Variants in CLEC16A observed in about 807,000 individuals in gnomAD.
CLEC16A encodes protein CLEC16A.
CLEC16A carries 51 observed loss-of-function variants against 109.5 expected under a neutral mutation model. That is an observed-to-expected ratio of 0.47 (90% confidence interval 0.37 to 0.59). The LOEUF is 0.59. Ranked by LOEUF, CLEC16A falls within the 20% of genes least tolerant of loss-of-function variation. CLEC16A has a pLI of 0.00. For missense variants in CLEC16A, 1,339 were observed against 1,394.0 expected, an observed-to-expected ratio of 0.96 and a Z score of 0.63; for synonymous variants, 673 against 564.2, an observed-to-expected ratio of 1.19 and a Z score of -2.73.
At chr16:11,115,999 C>T (rs1194618670) in intron 19 of CLEC16A, among the ~76,000 whole-genome samples, 1 of 152,004 alleles carries the variant, frequency 6.6e-6, no homozygotes, top group Non-Finnish European at 1.5e-5. Flanking sequence ...GCATGAGCCA[C>T]CGTGCCCAGC....
intron 23 of CLEC16A, among the ~76,000 whole-genome samples, chr16:11,171,701 G>C (rs1480935115): frequency 6.6e-6 from 1 of 152,176 alleles, no homozygotes; most frequent in East Asian, 1.9e-4. Context: ...AGAACCACAT[G>C]TGGGGCCACA....
Position 10,944,660 on chromosome 16 carries a change from G to A in CLEC16A, c.-58G>A. The A allele has an allele frequency of 6.6e-7, 1 of 1,515,712 alleles. No homozygotes were observed. The highest frequency in any genetic ancestry group is 9.0e-7 in the Non-Finnish European group (1 of 1,112,068). 93.9% of individuals were successfully genotyped at this position (1,515,712 alleles called of 1,614,324 possible). A position where few individuals can be genotyped will look rare whatever the true frequency, so the allele number is the denominator to read the frequency against. ...CTTGTGCTACCGCCGCGGGCGCTGG[G>A]CCGCTCTGCTGGTCCGGCATGAGAC... On this transcript the variant is annotated 5_prime_UTR_variant, in exon 1 of 24. Transcript: ENST00000409790.
At chr16:11,041,582 G>C (rs1476801075) in intron 14 of CLEC16A, 1 of 152,306 alleles carries the variant, frequency 6.6e-6, no homozygotes, top group East Asian at 1.9e-4. Context: ...GAACAGTCTA[G>C]TTGGAAGAGA....
chr16:11,001,108 T>G (rs1178927921), intron 10 of CLEC16A, among the ~76,000 whole-genome samples: 1 of 152,174 alleles, frequency 6.6e-6, no homozygotes, highest in Non-Finnish European at 1.5e-5. Flanking sequence ...TTTTTTATTT[T>G]CTTTTTTGAG....
chr16:10,975,056 A>AG (rs71404431), intron 7 of CLEC16A, among the ~76,000 whole-genome samples: 1 of 152,182 alleles, frequency 6.6e-6, no homozygotes, highest in African/African-American at 2.4e-5. Flanking sequence ...GGAGAAGTAG[A>AG]GGAGGGCTGG....
rs1567427765 is a variant in CLEC16A, at chr16:11,179,084, T to C, written c.*394T>C. The C allele has an allele frequency of 5.2e-6, 1 of 193,118 alleles. No homozygotes were observed. Among genetic ancestry groups the C allele is most frequent in the South Asian group, 1.9e-4 (1 of 5,188 alleles). 12.0% of individuals were successfully genotyped at this position (193,118 alleles called of 1,614,324 possible). ...AAGAATTGGACCAGGTCACTGTACG[T>C]AGAAATTTGTAGAAAAGCAGACTTA... On this transcript the variant is annotated 3_prime_UTR_variant, in exon 24 of 24. Coordinates refer to ENST00000409790, the MANE Select transcript of CLEC16A (RefSeq NM_015226.3).
chr16:11,177,602 GAAAA>G (rs796832104), intron 23 of CLEC16A, among the ~76,000 whole-genome samples: 31 of 91,052 alleles, frequency 3.4e-4, no homozygotes, highest in African/African-American at 1.2e-3. Context: ...TCCGCCAAAA[GAAAA>G]AAAAAAAAAA....
chr16:11,007,151 G>T (rs1001133665), intron 11 of CLEC16A, among the ~76,000 whole-genome samples: 12 of 152,022 alleles, frequency 7.9e-5, no homozygotes, highest in African/African-American at 2.2e-4. Context: ...CTGGACTACT[G>T]TTTTTTTGCC....
intron 19 of CLEC16A, among the ~76,000 whole-genome samples, chr16:11,108,833 G>C (rs547700205): frequency 1.3e-5 from 2 of 152,114 alleles, no homozygotes; most frequent in African/African-American, 2.4e-5. Flanking sequence ...CTACTGGGCC[G>C]GGCGCGGTGG....
chr16:11,149,489 T>A (rs1051111192), intron 22 of CLEC16A, among the ~76,000 whole-genome samples: 1 of 152,070 alleles, frequency 6.6e-6, no homozygotes, highest in Admixed American at 6.6e-5. Flanking sequence ...ATGAGTTGAT[T>A]GTTGATTTTT....
Position 11,174,254 on chromosome 16 carries a change from G to A in CLEC16A, c.2807-4081G>A, listed in dbSNP as rs1464536209. On this transcript the variant is annotated intron_variant, in intron 23 of 23. Transcript: ENST00000409790. This position sits in a 1 kb window ranked among gnomAD's most constrained non-coding sequence, Gnocchi z 4.7. ...AGTGCTCCGAACGGCAGCTGCCACG[G>A]CACCTCACGCACAGTCAATTCAGGC... 1 of 465,292 alleles carries A rather than the reference G, an allele frequency of 2.1e-6. No individual in the cohort carries two copies. The highest frequency in any genetic ancestry group is 4.4e-6 in the Non-Finnish European group (1 of 226,526). The allele number at this position is 465,292 out of a possible 1,614,324, so 28.8% of individuals were successfully genotyped here. A position where few individuals can be genotyped will look rare whatever the true frequency, so the allele number is the denominator to read the frequency against.
In CLEC16A at chr16:10,978,176, G is replaced by A. The variant is rs146135494; in HGVS notation, c.903+777G>A. On this transcript the variant is annotated intron_variant, in intron 8 of 23. Coordinates refer to ENST00000409790, the MANE Select transcript of CLEC16A (RefSeq NM_015226.3). The stretch of plus-strand genomic sequence containing the variant: ...GTTAGCAGGCCCCAGAGGCCTGTGG[G>A]GATGACGGCTGGTAACATGCAGGGC... 2.8e-4 allele frequency among the ~76,000 whole-genome samples: 42 copies of A among 152,342 alleles called. 1 individual carries two copies. The South Asian group carries it at 5.8e-3, about 21-fold the overall frequency.
intron 9 of CLEC16A, among the ~76,000 whole-genome samples, chr16:10,979,863 T>G (rs1235967159): frequency 6.6e-6 from 1 of 152,160 alleles, no homozygotes; most frequent in East Asian, 1.9e-4. Context: ...GTGGAAGGAA[T>G]CTTGTAGCAA....
intron 11 of CLEC16A, among the ~76,000 whole-genome samples, chr16:11,017,966 T>G (rs1326990852): frequency 6.6e-6 from 1 of 150,920 alleles, no homozygotes; most frequent in Non-Finnish European, 1.5e-5. Flanking sequence ...GTGTAGAGTT[T>G]AGTTTAGTTA....
chr16:11,127,504 A>G (rs1196046874), intron 22 of CLEC16A, among the ~76,000 whole-genome samples: 4 of 152,228 alleles, frequency 2.6e-5, no homozygotes, highest in Non-Finnish European at 1.5e-5. Context: ...TGTAGTCCCA[A>G]CGTGAACTCT....
chr16:11,101,629 G>C (rs1471797536), intron 19 of CLEC16A, among the ~76,000 whole-genome samples: 1 of 152,120 alleles, frequency 6.6e-6, no homozygotes, highest in Non-Finnish European at 1.5e-5. Context: ...AGCACATACC[G>C]TGTGCCTGGC....
intron 19 of CLEC16A, among the ~76,000 whole-genome samples, chr16:11,090,916 C>T (rs1332556030): frequency 6.6e-6 from 1 of 150,774 alleles, no homozygotes; most frequent in Non-Finnish European, 1.5e-5. Flanking sequence ...GTAATCCACC[C>T]ACCTCAGCCT....
intron 22 of CLEC16A, among the ~76,000 whole-genome samples, chr16:11,145,868 C>T (rs1329803293): frequency 6.6e-6 from 1 of 152,350 alleles, no homozygotes. Context: ...CGCTGGCTCC[C>T]ATCACTCAGA....
intron 22 of CLEC16A, among the ~76,000 whole-genome samples, chr16:11,130,733 G>T (rs565506846): frequency 2.6e-5 from 4 of 152,288 alleles, no homozygotes; most frequent in Non-Finnish European, 4.4e-5. Context: ...GCCGCACAGC[G>T]CATGGAGTCC....
Sources: allele counts gnomAD v4.1 joint callset (sites outside exome capture counted in the v4.1 genomes callset), GRCh38; gene constraint gnomAD v4.1.1; non-coding constraint Gnocchi (gnomAD v3.1); transcripts MANE v1.5; gene names NCBI Gene and HGNC (gene_info 2026-07-23, HGNC 2026-07-21).